The following CENPE variants were observed in gnomAD, a reference collection of about 807,000 sequenced individuals.
The protein encoded by CENPE is centromere-associated protein E.
A neutral mutation model predicts 336.1 loss-of-function variants in CENPE; 145 were observed. The ratio of observed to expected loss-of-function variants is 0.43; its 90% CI spans 0.38 to 0.50. CENPE has a LOEUF of 0.50. CENPE is among the 20% of genes least tolerant of loss of function. CENPE has a pLI of 0.00. For missense variants in CENPE, 2,719 were observed against 3,023.3 expected, an observed-to-expected ratio of 0.90 and a Z score of 2.36; for synonymous variants, 1,013 against 984.8, an observed-to-expected ratio of 1.03 and a Z score of -0.54.
chr4:103,181,806 T>G lies in CENPE; in HGVS notation c.964-350A>C, dbSNP rs1040264329. On this transcript the variant is annotated intron_variant, in intron 11 of 48. Transcript: ENST00000265148. Reference sequence around the variant, plus strand: ...TTCCTTTAAACTCTATACTAGTTATTAACCACTTAACTACTAATCAAAGGC... The same window carrying G: ...TTCCTTTAAACTCTATACTAGTTATGAACCACTTAACTACTAATCAAAGGC... 3 of 166,742 alleles carry G rather than the reference T, an allele frequency of 1.8e-5. No individual in the cohort carries two copies. The Admixed American group carries it at 1.9e-4, about 11-fold the overall frequency. 10.3% of individuals were successfully genotyped at this position (166,742 alleles called of 1,614,324 possible).
intron 1 of CENPE, among the ~76,000 whole-genome samples, chr4:103,197,998 C>G (rs1236697586): frequency 6.6e-6 from 1 of 152,222 alleles, no homozygotes. Flanking sequence ...GAGCAGATGC[C>G]GCAAGGCAGA....
At chr4:103,134,858 C>G (rs1751933220) in intron 40 of CENPE, among the ~76,000 whole-genome samples, 1 of 152,152 alleles carries the variant, frequency 6.6e-6, no homozygotes, top group Admixed American at 6.5e-5. Context: ...CATTCCTTAA[C>G]CTCTTATAAT....
At chr4:103,191,329 C>T (rs1757305820) in intron 8 of CENPE, among the ~76,000 whole-genome samples, 1 of 152,138 alleles carries the variant, frequency 6.6e-6, no homozygotes, top group Non-Finnish European at 1.5e-5. Flanking sequence ...AATCATGCTG[C>T]TATAAAGACA....
In CENPE at chr4:103,161,368, A is replaced by G. The variant is rs1754427890; in HGVS notation, c.1932T>C (p.Leu644=). 1 of 1,612,012 alleles carries G rather than the reference A, an allele frequency of 6.2e-7. No individual in the cohort carries two copies. Reference sequence around the variant, plus strand: ...CCTTCAGCTCCAGATTTTCACTTCTAAGAAAGGCTGATTCTCTCTTGGCAT... The same window carrying G: ...CCTTCAGCTCCAGATTTTCACTTCTGAGAAAGGCTGATTCTCTCTTGGCAT... ...ALDAKRESAF[L]RSENLELKEK... is the part of the protein sequence containing the mutation. The change falls in exon 19 of 49, where the codon CTT becomes CTC. Residue 644 remains leucine, a synonymous_variant. Coordinates refer to ENST00000265148, the MANE Select transcript of CENPE (RefSeq NM_001813.3).
chr4:103,136,261 A>C lies in CENPE; in HGVS notation c.6402T>G (p.Leu2134=). 1 of 1,613,744 alleles carries C rather than the reference A, an allele frequency of 6.2e-7. No homozygotes were observed. Among genetic ancestry groups the C allele is most frequent in the Non-Finnish European group, 8.5e-7 (1 of 1,179,796 alleles). Residue 2134 remains leucine (L), a synonymous_variant, in exon 40 of 49, where the codon CTT becomes CTG. Transcript: ENST00000265148. ...LEKEIEFQKE[L]SMRVKANLSL... ...AGAGGTTTGCTTTAACTCTCATTGA[A>C]AGCTCTTTTTGGAATTCAATTTCCT...
In CENPE at chr4:103,163,477, A is replaced by G; in HGVS notation, c.1722+2T>C. ...AATAGAAATACCAACATGAATGCTC[A>G]CCTCAAGATCTTGATTATATACTTC... is the stretch of plus-strand genomic sequence containing the variant. On this transcript the variant is annotated splice_donor_variant, in intron 17 of 48. Coordinates refer to ENST00000265148, the MANE Select transcript of CENPE (RefSeq NM_001813.3). LOFTEE classifies it high-confidence loss of function. 1.9e-6 allele frequency: 3 copies of G among 1,586,126 alleles called. No homozygotes were observed. In the South Asian group the frequency reaches 3.4e-5, roughly 18 times the overall value.
chr4:103,189,105 C>A (rs1270648326), intron 8 of CENPE, among the ~76,000 whole-genome samples: 4 of 152,164 alleles, frequency 2.6e-5, no homozygotes, highest in Non-Finnish European at 5.9e-5. Flanking sequence ...AGAAGTGAAT[C>A]TCTGAATAGA....
intron 29 of CENPE, 57 bp from the exon 30 acceptor site, chr4:103,146,164 A>T: frequency 6.7e-7 from 1 of 1,489,914 alleles, no homozygotes; most frequent in South Asian, 1.3e-5. Context: ...GTTTTAGGGG[A>T]AAATAAATCA....
intron 8 of CENPE, among the ~76,000 whole-genome samples, chr4:103,193,449 T>C (rs1393306430): frequency 6.6e-6 from 1 of 152,118 alleles, no homozygotes; most frequent in Non-Finnish European, 1.5e-5. Context: ...CTTTTTTCCC[T>C]GAAGTTTTCT....
At chr4:103,173,499 A>G (rs976720682) in intron 16 of CENPE, among the ~76,000 whole-genome samples, 1 of 152,070 alleles carries the variant, frequency 6.6e-6, no homozygotes, top group South Asian at 2.1e-4. Context: ...AAGACCAAAA[A>G]CAAATAAACG....
rs62327337 is a variant in CENPE at position 103,171,563 on chromosome 4, G to A, written c.1647+3173C>T. On this transcript the variant is annotated intron_variant, in intron 16 of 48. Coordinates refer to ENST00000265148, the MANE Select transcript of CENPE (RefSeq NM_001813.3). ...AATAAACATCTACATCAAAAAAGAG[G>A]AAAGAAATCAAACTACCTAAACTAT... Among the ~76,000 whole-genome samples the A allele has an allele frequency of 6.6e-3, 994 of 151,688 alleles. 11 individuals are homozygous for A. Among genetic ancestry groups the A allele is most frequent in the Admixed American group, 0.011 (171 of 15,230 alleles).
chr4:103,157,874 T>C (rs1398273758), intron 24 of CENPE, among the ~76,000 whole-genome samples: 2 of 151,984 alleles, frequency 1.3e-5, no homozygotes, highest in Admixed American at 1.3e-4. Flanking sequence ...ATATGAACTA[T>C]AATAAAAATG....
intron 21 of CENPE, 75 bp downstream of exon 21, chr4:103,160,550 C>G: frequency 7.9e-7 from 1 of 1,270,286 alleles, no homozygotes; most frequent in East Asian, 2.5e-5. Context: ...TAAACTATAC[C>G]AAAATATTTA....
chr4:103,140,544 A>G (rs1183692807), intron 36 of CENPE, 130 bp from the exon 37 acceptor site: 1 of 737,632 alleles, frequency 1.4e-6, no homozygotes, highest in Non-Finnish European at 2.1e-6. Flanking sequence ...ACAACCTCCT[A>G]AATTAGAAGA....
intron 34 of CENPE, among the ~76,000 whole-genome samples, chr4:103,142,513 G>C (rs933019861): frequency 6.6e-6 from 1 of 152,156 alleles, no homozygotes; most frequent in Admixed American, 6.5e-5. Flanking sequence ...AGTTGGTCTT[G>C]CTCCATTTTA....
At chr4:103,185,064 G>A (rs531718271) in intron 9 of CENPE, among the ~76,000 whole-genome samples, 2 of 152,164 alleles carry the variant, frequency 1.3e-5, no homozygotes, top group Non-Finnish European at 2.9e-5. Flanking sequence ...CAGAACTTTG[G>A]GAGGCCGAGG....
chr4:103,145,286 T>A lies in CENPE; in HGVS notation c.4621A>T (p.Ser1541Cys). The part of the protein sequence containing the change: ...KEEQFNIKQI[S>C]EVQEKVNELK... ...TCATTCACTTTTTCCTGAACCTCAC[T>A]AATTTGTTTTATATTAAATTGTTCC... Residue 1541 changes from serine to cysteine, a missense_variant, in exon 32 of 49, where the codon AGT (serine) becomes TGT (cysteine). Physicochemically the swap from Ser to Cys is moderately radical, Grantham distance 112. Around this residue, in one of 5 missense-constraint regions of CENPE, gnomAD observed 2,437 missense variants for 2,513.3 expected, o/e 0.97. Coordinates refer to ENST00000265148, the MANE Select transcript of CENPE (RefSeq NM_001813.3). 6.3e-7 allele frequency: 1 copy of A among 1,598,996 alleles called. No homozygotes were observed. The highest frequency in any genetic ancestry group is 8.6e-7 in the Non-Finnish European group (1 of 1,168,450).
At chr4:103,113,708 T>C (rs1394697608) in intron 46 of CENPE, among the ~76,000 whole-genome samples, 1 of 147,364 alleles carries the variant, frequency 6.8e-6, no homozygotes, top group Non-Finnish European at 1.5e-5. Context: ...AGTGTATATA[T>C]ACTTATAAGT....
At chr4:103,175,186 A>G (rs1392633956) in intron 15 of CENPE, among the ~76,000 whole-genome samples, 3 of 152,112 alleles carry the variant, frequency 2.0e-5, no homozygotes, top group South Asian at 4.1e-4. Context: ...TCCCCAATCT[A>G]ACTAACTCTT....
Sources: allele counts gnomAD v4.1 joint callset (sites outside exome capture counted in the v4.1 genomes callset), GRCh38; gene constraint gnomAD v4.1.1; regional missense constraint gnomAD v4.1.1; transcripts MANE v1.5; gene names NCBI Gene and HGNC (gene_info 2026-07-23, HGNC 2026-07-21).